SLIT2: variants seen among roughly 807,000 people sequenced by gnomAD.
The protein encoded by SLIT2 is slit guidance ligand 2, also known as slit homolog 2 protein.
SLIT2 carries 41 observed loss-of-function variants against 185.7 expected under a neutral mutation model. The observed-to-expected ratio is 0.22, with a 90% CI of 0.17 to 0.29. The LOEUF (loss-of-function observed/expected upper bound fraction) is 0.29, where lower values mean the gene tolerates loss of function less well. Among genes scored for constraint, SLIT2 ranks in the 10% least tolerant of loss-of-function variants. The pLI is 1.00. For missense variants in SLIT2, 1,571 were observed against 1,909.0 expected (o/e 0.82, Z 3.30); for synonymous variants, 693 against 680.2 (o/e 1.02, Z -0.29).
At chr4:20,538,141 T>C (rs1315607609) in intron 18 of SLIT2, among the ~76,000 whole-genome samples, 2 of 152,118 alleles carry the variant, frequency 1.3e-5, no homozygotes, top group East Asian at 1.9e-4. Context: ...TTTGTATTTT[T>C]AGTAGAGACC....
At position 20,253,593 on chromosome 4, in the gene SLIT2, C is replaced by T; in HGVS notation, c.-223C>T. ...TTCATCCTCAGGACCTAAAGTTGCCCAAGGAGCTCCTGCTCTGCCAGAGGA... is the reference window on the plus strand; with the variant it reads ...TTCATCCTCAGGACCTAAAGTTGCCTAAGGAGCTCCTGCTCTGCCAGAGGA... On this transcript the variant is annotated 5_prime_UTR_variant, in exon 1 of 37. Transcript: ENST00000504154. The T allele has an allele frequency of 1.7e-6, 1 of 594,296 alleles. No homozygotes were observed. The highest frequency in any genetic ancestry group is 2.0e-5 in the South Asian group (1 of 48,872). 36.8% of individuals were successfully genotyped at this position (594,296 alleles called of 1,614,324 possible). A position where few individuals can be genotyped will look rare whatever the true frequency, so the allele number is the denominator to read the frequency against.
At chr4:20,262,146 A>G (rs1274950805) in intron 3 of SLIT2, among the ~76,000 whole-genome samples, 1 of 151,862 alleles carries the variant, frequency 6.6e-6, no homozygotes, top group Non-Finnish European at 1.5e-5. Context: ...GAAAAGTCTA[A>G]GTCCCTTTAC....
chr4:20,517,960 G>A lies in SLIT2; in HGVS notation c.1059-1422G>A, dbSNP rs1394023714. 2.6e-5 allele frequency among the ~76,000 whole-genome samples: 4 copies of A among 151,198 alleles called. No homozygotes were observed. In the East Asian group the frequency reaches 7.8e-4, roughly 29 times the overall value. ...TCTCTGATCTTTGAAAATGATATAT[G>A]CTTATTTTAGAGATATATTAAAATA... On this transcript the variant is annotated intron_variant, in intron 11 of 36. Transcript: ENST00000504154.
At chr4:20,536,303 T>C (rs1577878828) in intron 18 of SLIT2, among the ~76,000 whole-genome samples, 1 of 152,100 alleles carries the variant, frequency 6.6e-6, no homozygotes, top group South Asian at 2.1e-4. Context: ...CACCTGTAAT[T>C]CCAGCACTTT....
chr4:20,415,431 A>AAG (rs1321667965), intron 4 of SLIT2, among the ~76,000 whole-genome samples: 4 of 151,538 alleles, frequency 2.6e-5, no homozygotes, highest in African/African-American at 4.8e-5. Flanking sequence ...AAAAAAAAAA[A>AAG]AAGGCTTTAT....
intron 4 of SLIT2, among the ~76,000 whole-genome samples, chr4:20,381,422 A>G (rs952548738): frequency 4.6e-5 from 7 of 152,162 alleles, no homozygotes; most frequent in African/African-American, 1.7e-4. Flanking sequence ...CTATTAAGTA[A>G]ATTTCTTGGT....
chr4:20,472,573 GATAT>G (rs1244526631), intron 5 of SLIT2, among the ~76,000 whole-genome samples: 582 of 14,236 alleles, frequency 0.041, 225 homozygotes, highest in Non-Finnish European at 0.051. Flanking sequence ...TCTATATATA[GATAT>G]ATCTATATAT....
intron 9 of SLIT2, among the ~76,000 whole-genome samples, chr4:20,498,148 G>A (rs991390633): frequency 1.3e-5 from 2 of 152,092 alleles, no homozygotes; most frequent in Non-Finnish European, 2.9e-5. Context: ...ACTCCAGCCT[G>A]GGCAACAGAG....
intron 19 of SLIT2, 150 bp downstream of exon 19, chr4:20,539,734 A>C (rs1380248457): frequency 2.1e-6 from 1 of 478,586 alleles, no homozygotes; most frequent in Non-Finnish European, 3.5e-6. Context: ...AATTTATTTA[A>C]ATTTTTTAAA....
At chr4:20,490,903 C>A in intron 8 of SLIT2, 2 of 1,008,256 alleles carry the variant, frequency 2.0e-6, no homozygotes, top group Non-Finnish European at 3.0e-6. Context: ...GGCTTGCAGC[C>A]TCTTCCTGGC....
intron 4 of SLIT2, among the ~76,000 whole-genome samples, chr4:20,413,434 A>G (rs1220610224): frequency 6.6e-6 from 1 of 152,086 alleles, no homozygotes; most frequent in Non-Finnish European, 1.5e-5. Flanking sequence ...TGCGTAAAGT[A>G]TTCTATAGAT....
At chr4:20,329,432 G>A (rs2109194184) in intron 4 of SLIT2, among the ~76,000 whole-genome samples, 1 of 151,944 alleles carries the variant, frequency 6.6e-6, no homozygotes, top group African/African-American at 2.4e-5. Flanking sequence ...TATTAAATAA[G>A]GAGAATTGTT....
chr4:20,552,855 TTTATAAGG>T (rs1723895691), intron 25 of SLIT2: 1 of 152,176 alleles, frequency 6.6e-6, no homozygotes. Context: ...CAATCCAACC[TTTATAAGG>T]TTATGAGTCC....
At chr4:20,460,972 T>C (rs1713641893) in intron 4 of SLIT2, among the ~76,000 whole-genome samples, 1 of 152,242 alleles carries the variant, frequency 6.6e-6, no homozygotes, top group South Asian at 2.1e-4. Flanking sequence ...ATATTGTTAA[T>C]ACAAACCTTA....
intron 15 of SLIT2, among the ~76,000 whole-genome samples, chr4:20,526,467 C>A (rs1721307675): frequency 1.3e-5 from 2 of 152,086 alleles, no homozygotes; most frequent in Non-Finnish European, 2.9e-5. Flanking sequence ...AAACACCAGA[C>A]TACCTATAGA....
chr4:20,549,684 C>A (rs1281345413), intron 24 of SLIT2, among the ~76,000 whole-genome samples: 2 of 151,652 alleles, frequency 1.3e-5, no homozygotes, highest in East Asian at 3.9e-4. Flanking sequence ...TTTGTTCTGC[C>A]ATTGTCTATT....
intron 4 of SLIT2, among the ~76,000 whole-genome samples, chr4:20,291,904 CTG>C (rs35335088): frequency 0.17 from 25,385 of 146,630 alleles, 2,054 homozygotes; most frequent in Middle Eastern, 0.3. Flanking sequence ...CTGCACACCT[CTG>C]TGTGTGTGTG....
rs1491244686 is a variant in SLIT2, at chr4:20,472,377, T to TAG, written c.467+4555_467+4556insGA. On this transcript the variant is annotated intron_variant, in intron 5 of 36. Coordinates refer to ENST00000504154, the MANE Select transcript of SLIT2 (RefSeq NM_004787.4). ...AGATATCTATATAGATATCTATATC[T>TAG]ATATATATGTAGATATATAGATATA... Among the ~76,000 whole-genome samples, 131 of 19,928 alleles carry TAG rather than the reference T, an allele frequency of 6.6e-3. 11 individuals are homozygous for TAG. In the Admixed American group the frequency reaches 0.068, roughly 10 times the overall value. The allele number at this position is 19,928 out of a possible 152,430, so 13.1% of individuals were successfully genotyped here.
chr4:20,344,880 G>T (rs1455333669), intron 4 of SLIT2, among the ~76,000 whole-genome samples: 1 of 152,040 alleles, frequency 6.6e-6, no homozygotes, highest in Non-Finnish European at 1.5e-5. Flanking sequence ...AAATATGAAA[G>T]ATATTTTTCT....
Sources: allele counts gnomAD v4.1 joint callset (sites outside exome capture counted in the v4.1 genomes callset), GRCh38; gene constraint gnomAD v4.1.1; transcripts MANE v1.5; gene names NCBI Gene and HGNC (gene_info 2026-07-23, HGNC 2026-07-21).